Variants in PCDH7 observed in about 807,000 individuals in gnomAD.
PCDH7 encodes protocadherin 7.
In PCDH7, 17 loss-of-function variants were observed where a neutral mutation model predicts 58.9. That is an observed-to-expected ratio of 0.29 (90% CI 0.20 to 0.43). The LOEUF is 0.43. Ranked by LOEUF, PCDH7 falls within the 20% of genes least tolerant of loss-of-function variation. PCDH7 has a pLI of 1.00. For missense variants in PCDH7, 1,274 were observed against 1,441.0 expected (o/e 0.88, Z 1.88); for synonymous variants, 664 against 616.4 (o/e 1.08, Z -1.14).
intron 3 of PCDH7, among the ~76,000 whole-genome samples, chr4:31,113,957 C>T (rs1320170895): frequency 6.6e-6 from 1 of 151,322 alleles, no homozygotes; most frequent in East Asian, 1.9e-4. Context: ...CGCAGCCTCC[C>T]TGGTAGCTGG....
chr4:30,980,881 T>C (rs1459430042), intron 3 of PCDH7, among the ~76,000 whole-genome samples: 1 of 152,194 alleles, frequency 6.6e-6, no homozygotes, highest in Non-Finnish European at 1.5e-5. Context: ...TCTCGCTCTG[T>C]CACCCAGGCT....
intron 1 of PCDH7, among the ~76,000 whole-genome samples, chr4:30,781,097 T>C (rs1722716445): frequency 1.3e-5 from 2 of 152,144 alleles, no homozygotes; most frequent in South Asian, 4.1e-4. Flanking sequence ...CTTCCATGCC[T>C]CTTACATGAC....
intron 3 of PCDH7, among the ~76,000 whole-genome samples, chr4:31,020,092 C>G (rs1258584384): frequency 6.6e-6 from 1 of 152,164 alleles, no homozygotes; most frequent in Non-Finnish European, 1.5e-5. Flanking sequence ...GACCCCTAGT[C>G]CCATTGATCC....
intron 3 of PCDH7, among the ~76,000 whole-genome samples, chr4:31,125,813 G>A (rs763288199): frequency 4.6e-5 from 7 of 152,176 alleles, no homozygotes; most frequent in Non-Finnish European, 8.8e-5. Flanking sequence ...TATTCAGTAG[G>A]TTAGTAGTAT....
intron 1 of PCDH7, among the ~76,000 whole-genome samples, chr4:30,904,099 A>G (rs999378453): frequency 2.0e-5 from 3 of 152,176 alleles, no homozygotes; most frequent in Non-Finnish European, 4.4e-5. Flanking sequence ...ATGAAACCCA[A>G]GCCCAACTCT....
intron 3 of PCDH7, among the ~76,000 whole-genome samples, chr4:30,966,550 C>G (rs1194744300): frequency 6.6e-6 from 1 of 151,984 alleles, no homozygotes; most frequent in African/African-American, 2.4e-5. Flanking sequence ...AAGAGAAACA[C>G]ATTTTTATTT....
chr4:30,732,645 G>C (rs532419997), exon 2 of PCDH7: 2 of 151,988 alleles, frequency 1.3e-5, no homozygotes, highest in African/African-American at 4.8e-5. Context: ...TGTTTCAGTT[G>C]TGTTTGTGTG....
At chr4:30,724,815 T>C (rs768799374) in intron 1 of PCDH7, 27 of 1,385,926 alleles carry the variant, frequency 1.9e-5, no homozygotes, top group Non-Finnish European at 2.4e-5. Flanking sequence ...ACTAAACTAC[T>C]GAAAGAAGTA....
intron 3 of PCDH7, among the ~76,000 whole-genome samples, chr4:31,026,040 G>T (rs184358646): frequency 6.6e-6 from 1 of 152,148 alleles, no homozygotes; most frequent in Non-Finnish European, 1.5e-5. Context: ...AATTTACCAC[G>T]CACTGTTATA....
At chr4:31,054,436 C>T (rs932826889) in intron 3 of PCDH7, among the ~76,000 whole-genome samples, 32 of 152,156 alleles carry the variant, frequency 2.1e-4, no homozygotes, top group Admixed American at 1.3e-4. Context: ...GCTGGAGTTG[C>T]ACAACAAGCA....
intron 3 of PCDH7, among the ~76,000 whole-genome samples, chr4:31,036,715 G>A (rs560799943): frequency 3.9e-5 from 6 of 152,246 alleles, no homozygotes; most frequent in Admixed American, 3.9e-4. Flanking sequence ...TAACTCTAAA[G>A]TCAGTACGAC....
At chr4:30,788,338 G>A (rs750351463) in intron 1 of PCDH7, among the ~76,000 whole-genome samples, 15 of 151,962 alleles carry the variant, frequency 9.9e-5, no homozygotes, top group Non-Finnish European at 1.6e-4. Context: ...GTTCTTCTCC[G>A]CTATTTGTAC....
chr4:30,860,626 C>T (rs1169056782), intron 1 of PCDH7, among the ~76,000 whole-genome samples: 1 of 152,128 alleles, frequency 6.6e-6, no homozygotes, highest in African/African-American at 2.4e-5. Flanking sequence ...TGATTACCCT[C>T]TTGCCAATCT....
chr4:30,832,951 A>G (rs1215986739), intron 1 of PCDH7, among the ~76,000 whole-genome samples: 3 of 152,204 alleles, frequency 2.0e-5, no homozygotes, highest in African/African-American at 7.2e-5. Flanking sequence ...ACTTTCTACT[A>G]CAATATCTCT....
chr4:31,127,931 T>A (rs1490006127), intron 3 of PCDH7, among the ~76,000 whole-genome samples: 1 of 151,858 alleles, frequency 6.6e-6, no homozygotes, highest in East Asian at 1.9e-4. Flanking sequence ...GCTTTCAAGC[T>A]TTTTCAGTGT....
chr4:31,021,293 A>G (rs915153611), intron 3 of PCDH7, among the ~76,000 whole-genome samples: 11 of 152,166 alleles, frequency 7.2e-5, no homozygotes, highest in African/African-American at 2.4e-4. Flanking sequence ...AATGCAGGTT[A>G]TAACTACCAG....
intron 3 of PCDH7, among the ~76,000 whole-genome samples, chr4:31,064,335 G>A (rs530476659): frequency 4.0e-5 from 6 of 151,868 alleles, no homozygotes; most frequent in South Asian, 2.1e-4. Flanking sequence ...ATGTCCATGC[G>A]TTGTCATTGT....
intron 3 of PCDH7, among the ~76,000 whole-genome samples, chr4:31,095,778 G>A (rs1713889152): frequency 1.3e-5 from 2 of 152,040 alleles, no homozygotes; most frequent in African/African-American, 4.8e-5. Flanking sequence ...TGGTGATTAG[G>A]ACACTTTCTG....
rs1380743687 is a variant in PCDH7 at position 30,721,707 on chromosome 4, G to C, written c.285G>C (p.Lys95Asn). 6.2e-7 allele frequency: 1 copy of C among 1,613,876 alleles called. No homozygotes were observed. Among genetic ancestry groups the C allele is most frequent in the Non-Finnish European group, 8.5e-7 (1 of 1,180,030 alleles). ...GCGAGCGGCGCATCGACCGCGAGAA[G>C]CTGCCCCAGTGTCAGATGATCTTCG... The change falls in exon 1 of 2, where the codon AAG (lysine) becomes AAC (asparagine). Residue 95 changes from lysine to asparagine, a missense_variant. By Grantham distance (94) the Lys-to-Asn change is moderately conservative. This residue lies in a region of PCDH7 where 212 missense variants were observed against 255.8 expected (regional missense o/e 0.83). Coordinates refer to ENST00000361762, the Ensembl canonical transcript of PCDH7. The surrounding 1 kb of genome is among the most constrained non-coding windows in gnomAD (Gnocchi z 6.7).
Sources: gnomAD v4.1 joint callset for allele counts (sites outside exome capture counted in the v4.1 genomes callset) on GRCh38, gnomAD v4.1.1 for gene constraint, gnomAD v4.1.1 regional missense constraint, Gnocchi (gnomAD v3.1) non-coding constraint, MANE v1.5 for transcripts, NCBI Gene and HGNC (gene_info 2026-07-23, HGNC 2026-07-21) for gene names.